Variants in ASCC1 observed in about 807,000 individuals in gnomAD.
ASCC1 encodes activating signal cointegrator 1 complex subunit 1.
Under a neutral mutation model 46.6 loss-of-function variants are expected in ASCC1, and 35 were observed. The observed-to-expected ratio is 0.75, with a 90% CI of 0.57 to 0.99. The LOEUF (loss-of-function observed/expected upper bound fraction) is 0.99. Among genes scored for constraint, ASCC1 ranks in the 50% least tolerant of loss-of-function variants. The pLI, the probability that ASCC1 is intolerant of heterozygous loss-of-function variation, is 0.00. For synonymous variants in ASCC1, 143 were observed against 146.6 expected (o/e 0.98, Z 0.18); for missense variants, 376 against 428.7 (o/e 0.88, Z 1.09).
intron 9 of ASCC1, among the ~76,000 whole-genome samples, chr10:72,103,251 G>C (rs1379383776): frequency 6.6e-6 from 1 of 151,344 alleles, no homozygotes; most frequent in East Asian, 2.0e-4. Context: ...TCCTGCCTCA[G>C]CCTCCCGAGT....
chr10:72,102,543 T>C (rs1841897010), intron 9 of ASCC1: 2 of 709,094 alleles, frequency 2.8e-6, no homozygotes, highest in Non-Finnish European at 5.0e-6. Context: ...TGCAAATACA[T>C]GTATTTCCTC....
At chr10:72,099,904 AT>A (rs1443586239) in intron 9 of ASCC1, among the ~76,000 whole-genome samples, 1 of 152,198 alleles carries the variant, frequency 6.6e-6, no homozygotes, top group Admixed American at 6.5e-5. Context: ...AAAATAAAAA[AT>A]ATCTTGTAAA....
At chr10:72,141,054 T>TAGATAGAC in intron 7 of ASCC1, among the ~76,000 whole-genome samples, 1 of 150,114 alleles carries the variant, frequency 6.7e-6, no homozygotes, top group Non-Finnish European at 1.5e-5. Context: ...GATAGATAGA[T>TAGATAGAC]AGATAGATAG....
chr10:72,136,502 T>C (rs961372538), intron 7 of ASCC1, among the ~76,000 whole-genome samples: 1 of 152,320 alleles, frequency 6.6e-6, no homozygotes, highest in African/African-American at 2.4e-5. Context: ...GCTCTGTGTC[T>C]AGCTTAAAGA....
intron 7 of ASCC1, chr10:72,133,445 G>C (rs1845834355): frequency 2.2e-6 from 1 of 445,798 alleles, no homozygotes; most frequent in South Asian, 2.1e-5. Flanking sequence ...TACATGGAGA[G>C]GGCCAGGTTT....
Position 72,161,546 on chromosome 10 carries a change from TTC to T in ASCC1, c.616_617del (p.Glu206IlefsTer3). 6.2e-7 allele frequency: 1 copy of T among 1,614,184 alleles called. No individual in the cohort carries two copies. Among genetic ancestry groups the T allele is most frequent in the South Asian group, 1.1e-5 (1 of 91,084 alleles). ...TCEMLQQCKEEFINDISGGKP... is the reference protein window; with the variant it reads ...TCEMLQQCKEXFINDISGGKP... Reference sequence around the variant, plus strand: ...CCCTGAGAATTACTCACTTAATGAATTCCTCTTTACACTGCTGTAGCATCTCA... The same window carrying T: ...CCCTGAGAATTACTCACTTAATGAATCTCTTTACACTGCTGTAGCATCTCA... On this transcript the variant is annotated frameshift_variant, in exon 6 of 10. Transcript: ENST00000672957. LOFTEE classifies it high-confidence loss of function.
chr10:72,124,613 T>C (rs1241774217), intron 9 of ASCC1, among the ~76,000 whole-genome samples: 1 of 152,206 alleles, frequency 6.6e-6, no homozygotes, highest in Non-Finnish European at 1.5e-5. Context: ...TTAATGACCA[T>C]TTTACTTCTA....
chr10:72,122,881 G>A (rs1369613084), intron 9 of ASCC1, among the ~76,000 whole-genome samples: 1 of 152,058 alleles, frequency 6.6e-6, no homozygotes, highest in African/African-American at 2.4e-5. Flanking sequence ...AAAATTTGTA[G>A]GATACATCAA....
chr10:72,200,508 C>T (rs1856342016), intron 4 of ASCC1, among the ~76,000 whole-genome samples: 1 of 151,810 alleles, frequency 6.6e-6, no homozygotes, highest in Admixed American at 6.6e-5. Context: ...AGTAGCCAGG[C>T]ATGATGGCAC....
chr10:72,106,247 A>C (rs1055074659), intron 9 of ASCC1, among the ~76,000 whole-genome samples: 2 of 152,238 alleles, frequency 1.3e-5, no homozygotes, highest in African/African-American at 4.8e-5. Flanking sequence ...CGCTATTTAT[A>C]ATCATTCTTG....
chr10:72,190,112 G>C, intron 5 of ASCC1: 1 of 759,880 alleles, frequency 1.3e-6, no homozygotes, highest in Non-Finnish European at 2.4e-6. Flanking sequence ...GACCAAGCAA[G>C]GTTACATTAT....
Position 72,161,546 on chromosome 10 carries a change from T to C in ASCC1, c.618A>G (p.Glu206=). 1.2e-6 allele frequency: 2 copies of C among 1,614,184 alleles called. No homozygotes were observed. The highest frequency in any genetic ancestry group is 1.3e-5 in the African/African-American group (1 of 75,050). ...TCEMLQQCKE[E]FINDISGGKP... ...CCCTGAGAATTACTCACTTAATGAA[T>C]TCCTCTTTACACTGCTGTAGCATCT... Residue 206 remains glutamate, a synonymous_variant, in exon 6 of 10, where the codon GAA becomes GAG. Coordinates refer to ENST00000672957, the MANE Select transcript of ASCC1 (RefSeq NM_001198800.3).
chr10:72,191,235 T>G (rs1215044253), intron 5 of ASCC1, among the ~76,000 whole-genome samples: 3 of 148,002 alleles, frequency 2.0e-5, no homozygotes, highest in African/African-American at 7.6e-5. Flanking sequence ...TTTTTTTTTT[T>G]TTTGTATTTT....
intron 5 of ASCC1, among the ~76,000 whole-genome samples, chr10:72,193,000 T>A (rs1483277011): frequency 6.6e-6 from 1 of 152,206 alleles, no homozygotes; most frequent in African/African-American, 2.4e-5. Context: ...CTAGTGAGGA[T>A]GGAGAACAAC....
intron 6 of ASCC1, 81 bp downstream of exon 6, chr10:72,161,457 T>C: frequency 1.9e-6 from 3 of 1,575,970 alleles, no homozygotes; most frequent in Non-Finnish European, 2.6e-6. Flanking sequence ...ATACACCCTC[T>C]GGTTCAAAAA....
intron 4 of ASCC1, among the ~76,000 whole-genome samples, chr10:72,199,161 T>A (rs528045221): frequency 6.6e-6 from 1 of 151,646 alleles, no homozygotes; most frequent in East Asian, 1.9e-4. Context: ...TCTTGCTCTG[T>A]CGCCCAGGCT....
rs911878690 is a variant in ASCC1, at chr10:72,096,785, A to G, written c.*549T>C. 2 of 454,044 alleles carry G rather than the reference A, an allele frequency of 4.4e-6. No individual in the cohort carries two copies. Among genetic ancestry groups the G allele is most frequent in the African/African-American group, 4.0e-5 (2 of 50,022 alleles). 28.1% of individuals were successfully genotyped at this position (454,044 alleles called of 1,614,324 possible). On this transcript the variant is annotated 3_prime_UTR_variant, in exon 10 of 10. Coordinates refer to ENST00000672957, the MANE Select transcript of ASCC1 (RefSeq NM_001198800.3). Reference sequence around the variant, plus strand: ...AACATGGATGAACCTTGAGGACATTATGCTAAGTGAAATAAGCCAGTCACA... The same window carrying G: ...AACATGGATGAACCTTGAGGACATTGTGCTAAGTGAAATAAGCCAGTCACA...
At chr10:72,147,466 T>C (rs1426296312) in intron 7 of ASCC1, among the ~76,000 whole-genome samples, 1 of 152,184 alleles carries the variant, frequency 6.6e-6, no homozygotes, top group East Asian at 1.9e-4. Flanking sequence ...TTGGCCAGGC[T>C]GATCTCGAAC....
At chr10:72,180,874 T>G in intron 5 of ASCC1, 1 of 181,684 alleles carries the variant, frequency 5.5e-6, no homozygotes, top group South Asian at 1.3e-4. Flanking sequence ...AGAATTGAGT[T>G]CAGTTCAAGG....
Sources: gnomAD v4.1 joint callset for allele counts (sites outside exome capture counted in the v4.1 genomes callset) on GRCh38, gnomAD v4.1.1 for gene constraint, MANE v1.5 for transcripts, NCBI Gene and HGNC (gene_info 2026-07-23, HGNC 2026-07-21) for gene names.